The following KCTD16 variants were observed in gnomAD, a reference collection of about 807,000 sequenced individuals.
The protein encoded by KCTD16 is potassium channel tetramerization domain containing 16.
Under a neutral mutation model 33.2 loss-of-function variants are expected in KCTD16, and 13 were observed. The observed-to-expected ratio is 0.39, with a 90% CI of 0.25 to 0.62. The LOEUF (loss-of-function observed/expected upper bound fraction) is 0.62, where lower values mean the gene tolerates loss of function less well. Among genes scored for constraint, KCTD16 ranks in the 20% least tolerant of loss-of-function variants. The pLI, the probability that KCTD16 is intolerant of heterozygous loss-of-function variation, is 0.50. For synonymous variants in KCTD16, 197 were observed against 195.3 expected (o/e 1.01, Z -0.07); for missense variants, 441 against 525.1 (o/e 0.84, Z 1.57).
intron 3 of KCTD16, among the ~76,000 whole-genome samples, chr5:144,405,479 G>A (rs1212813937): frequency 1.3e-5 from 2 of 152,204 alleles, no homozygotes; most frequent in Admixed American, 6.5e-5. Flanking sequence ...TTTCTCTTCA[G>A]TAGAGATGGA....
chr5:144,414,617 T>A (rs576707631), intron 3 of KCTD16, among the ~76,000 whole-genome samples: 14 of 152,364 alleles, frequency 9.2e-5, no homozygotes, highest in Admixed American at 8.5e-4. Context: ...TGCTGGTACA[T>A]GACCTCCAGC....
chr5:144,229,297 A>G (rs1274436570), intron 3 of KCTD16, among the ~76,000 whole-genome samples: 1 of 152,194 alleles, frequency 6.6e-6, no homozygotes, highest in African/African-American at 2.4e-5. Context: ...CAATGAAAAG[A>G]TATAGGACCA....
At chr5:144,372,630 G>A (rs1441700797) in intron 3 of KCTD16, among the ~76,000 whole-genome samples, 1 of 152,202 alleles carries the variant, frequency 6.6e-6, no homozygotes, top group African/African-American at 2.4e-5. Flanking sequence ...GCCAAATCCT[G>A]AAGGGTGAAG....
chr5:144,347,330 C>G (rs1281728477), intron 3 of KCTD16, among the ~76,000 whole-genome samples: 1 of 152,226 alleles, frequency 6.6e-6, no homozygotes, highest in Non-Finnish European at 1.5e-5. Context: ...CACAGTGGCT[C>G]ACGCCTGTAA....
At chr5:144,194,770 C>T (rs1043360322) in intron 2 of KCTD16, among the ~76,000 whole-genome samples, 4 of 152,102 alleles carry the variant, frequency 2.6e-5, no homozygotes, top group Admixed American at 6.5e-5. Context: ...AGGTGGGATT[C>T]GACCCCAGGA....
intron 3 of KCTD16, among the ~76,000 whole-genome samples, chr5:144,462,629 G>T (rs1481778446): frequency 1.3e-5 from 2 of 149,682 alleles, no homozygotes; most frequent in African/African-American, 4.9e-5. Context: ...GCAAATAAGA[G>T]TATATTACCC....
chr5:144,387,251 A>G (rs1482265915), intron 3 of KCTD16, among the ~76,000 whole-genome samples: 1 of 147,086 alleles, frequency 6.8e-6, no homozygotes, highest in Non-Finnish European at 1.5e-5. Context: ...TGTTGGGATT[A>G]CAGGCATGAG....
chr5:144,435,088 G>C (rs73299608), intron 3 of KCTD16, among the ~76,000 whole-genome samples: 6,399 of 152,044 alleles, frequency 0.042, 462 homozygotes, highest in African/African-American at 0.15. Flanking sequence ...TCTTAAAAAA[G>C]TTTTTGTGAT....
chr5:144,399,476 G>A (rs1370024052), intron 3 of KCTD16, among the ~76,000 whole-genome samples: 1 of 152,006 alleles, frequency 6.6e-6, no homozygotes, highest in Non-Finnish European at 1.5e-5. Context: ...TAGCAAAGTG[G>A]TTGTGTTTTA....
chr5:144,270,628 A>G (rs1309721093), intron 3 of KCTD16, among the ~76,000 whole-genome samples: 2 of 141,274 alleles, frequency 1.4e-5, no homozygotes, highest in Admixed American at 1.4e-4. Flanking sequence ...AAGTAAAAGA[A>G]CTAAAAAAAA....
intron 3 of KCTD16, among the ~76,000 whole-genome samples, chr5:144,452,866 A>G (rs1451260889): frequency 6.6e-6 from 1 of 152,098 alleles, no homozygotes; most frequent in African/African-American, 2.4e-5. Context: ...GTGGAGAATT[A>G]GGCTGCTTTT....
intron 3 of KCTD16, among the ~76,000 whole-genome samples, chr5:144,237,345 A>G (rs1754282715): frequency 6.6e-6 from 1 of 152,114 alleles, no homozygotes; most frequent in African/African-American, 2.4e-5. Flanking sequence ...ATAATTTGGC[A>G]TATTGGTACA....
At chr5:144,455,098 C>T (rs1291182558) in intron 3 of KCTD16, among the ~76,000 whole-genome samples, 2 of 152,036 alleles carry the variant, frequency 1.3e-5, no homozygotes, top group Non-Finnish European at 2.9e-5. Context: ...TCCCTGTTGT[C>T]GGTGGTGTCC....
rs773898531 is a variant in KCTD16, at chr5:144,485,613, ATG to A, written c.*11503_*11504del. On this transcript the variant is annotated 3_prime_UTR_variant, in exon 4 of 4. Transcript: ENST00000512467. ...AATTACAGAATAGGTAACTATTTTT[ATG>A]TGTTTCCATAAATGACTCCATTTCA... The A allele has an allele frequency of 3.8e-4, 57 of 151,948 alleles. 1 individual carries two copies. The highest frequency in any genetic ancestry group is 5.4e-4 in the Non-Finnish European group (37 of 67,902). The allele number at this position is 151,948 out of a possible 1,614,324, so 9.4% of individuals were successfully genotyped here. A position where few individuals can be genotyped will look rare whatever the true frequency, so the allele number is the denominator to read the frequency against.
intron 3 of KCTD16, among the ~76,000 whole-genome samples, chr5:144,381,730 A>G (rs1334386237): frequency 1.3e-5 from 2 of 152,172 alleles, no homozygotes. Flanking sequence ...AACACCTCTC[A>G]CCAGTCCCCA....
chr5:144,253,882 T>C (rs1396113000), intron 3 of KCTD16, among the ~76,000 whole-genome samples: 1 of 152,208 alleles, frequency 6.6e-6, no homozygotes, highest in African/African-American at 2.4e-5. Flanking sequence ...ACTTAAACTT[T>C]AAAAAATATG....
intron 3 of KCTD16, among the ~76,000 whole-genome samples, chr5:144,453,143 G>T (rs750752881): frequency 6.6e-6 from 1 of 152,120 alleles, no homozygotes; most frequent in Non-Finnish European, 1.5e-5. Context: ...CTGGGCAGAG[G>T]GTGAAGGGCC....
intron 3 of KCTD16, among the ~76,000 whole-genome samples, chr5:144,262,060 C>T (rs1404595668): frequency 6.6e-6 from 1 of 152,010 alleles, no homozygotes; most frequent in East Asian, 1.9e-4. Flanking sequence ...GAAAGAAAGA[C>T]AATAAAAAGA....
chr5:144,416,864 C>A (rs1753065692), intron 3 of KCTD16, among the ~76,000 whole-genome samples: 1 of 152,050 alleles, frequency 6.6e-6, no homozygotes, highest in South Asian at 2.1e-4. Flanking sequence ...TAAATGAGGT[C>A]AAAACTATAT....
Sources: gnomAD v4.1 joint callset for allele counts (sites outside exome capture counted in the v4.1 genomes callset) on GRCh38, gnomAD v4.1.1 for gene constraint, MANE v1.5 for transcripts, NCBI Gene and HGNC (gene_info 2026-07-23, HGNC 2026-07-21) for gene names.